The following MYNN variants were observed in gnomAD, a reference collection of about 807,000 sequenced individuals.
The protein encoded by MYNN is myoneurin.
Under a neutral mutation model 57.2 loss-of-function variants are expected in MYNN, and 22 were observed. The ratio of observed to expected loss-of-function variants is 0.38; its 90% CI spans 0.27 to 0.55. The LOEUF (loss-of-function observed/expected upper bound fraction) is 0.55, where lower values mean the gene tolerates loss of function less well. Among genes scored for constraint, MYNN ranks in the 20% least tolerant of loss-of-function variants. The pLI, the probability that MYNN is intolerant of heterozygous loss-of-function variation, is 0.71. For synonymous variants in MYNN, 241 were observed against 257.1 expected, an observed-to-expected ratio of 0.94 and a Z score of 0.60; for missense variants, 566 against 723.1, an observed-to-expected ratio of 0.78 and a Z score of 2.49.
At position 169,786,529 on chromosome 3, in the gene MYNN, T is replaced by C; in HGVS notation, c.1684T>C (p.Leu562=). The change falls in exon 8 of 8, where the codon TTA becomes CTA. Residue 562 remains leucine, a synonymous_variant. Transcript: ENST00000349841. ...TMDVKPSDMT[L]PLALPLGTED... ...GGATGTGAAGCCTTCTGATATGACT[T>C]TACCATTAGCTCTTCCACTTGGGAC... 6 of 1,613,754 alleles carry C rather than the reference T, an allele frequency of 3.7e-6. No homozygotes were observed. The highest frequency in any genetic ancestry group is 5.1e-6 in the Non-Finnish European group (6 of 1,179,686).
chr3:169,778,892 A>C lies in MYNN; in HGVS notation c.391A>C (p.Ser131Arg). Residue 131 changes from serine (S) to arginine (R), a missense_variant, in exon 3 of 8, where the codon AGT becomes CGT. Coordinates refer to ENST00000349841, the MANE Select transcript of MYNN (RefSeq NM_018657.5). ...IANPSSTEIS[S>R]ITGNIELNQQ... Reference sequence around the variant, plus strand: ...TAATCCTTCTTCTACAGAGATATCTAGTATTACTGGAAACATTGAATTGAA... The same window carrying C: ...TAATCCTTCTTCTACAGAGATATCTCGTATTACTGGAAACATTGAATTGAA... 4.3e-6 allele frequency: 7 copies of C among 1,613,982 alleles called. No individual in the cohort carries two copies. The highest frequency in any genetic ancestry group is 5.9e-6 in the Non-Finnish European group (7 of 1,179,880).
chr3:169,783,144 C>T (rs566694280), intron 5 of MYNN, among the ~76,000 whole-genome samples: 1 of 152,120 alleles, frequency 6.6e-6, no homozygotes, highest in East Asian at 1.9e-4. Flanking sequence ...TACTTTTATT[C>T]TCCTTTATTA....
Position 169,779,141 on chromosome 3 carries a change from G to C in MYNN, c.640G>C (p.Asp214His). ...LENASVELFL[D>H]ANKLPTPVVE... ...GAATGCATCTGTTGAATTATTCCTA[G>C]ATGCAAATAAACTGCCCACACCTGT... Residue 214 changes from aspartate to histidine, a missense_variant, in exon 3 of 8, where the codon GAT becomes CAT. Coordinates refer to ENST00000349841, the MANE Select transcript of MYNN (RefSeq NM_018657.5). The C allele has an allele frequency of 6.2e-7, 1 of 1,614,174 alleles. No homozygotes were observed. The highest frequency in any genetic ancestry group is 8.5e-7 in the Non-Finnish European group (1 of 1,180,010).
Position 169,787,974 on chromosome 3 carries a change from T to C in MYNN, c.*1296T>C, listed in dbSNP as rs567344228. The C allele has an allele frequency of 2.0e-5, 3 of 152,208 alleles. No individual in the cohort carries two copies. In the East Asian group the frequency reaches 5.8e-4, roughly 29 times the overall value. 9.4% of individuals were successfully genotyped at this position (152,208 alleles called of 1,614,324 possible). ...ATGGTGATATTCTTTTTCTTTTTTTTTCCCCCCACAAGGCTGTTGTTCAGT... is the reference window on the plus strand; with the variant it reads ...ATGGTGATATTCTTTTTCTTTTTTTCTCCCCCCACAAGGCTGTTGTTCAGT... On this transcript the variant is annotated 3_prime_UTR_variant, in exon 8 of 8. Coordinates refer to ENST00000349841, the MANE Select transcript of MYNN (RefSeq NM_018657.5).
chr3:169,780,398 G>A (rs1778477236), intron 3 of MYNN, 192 bp from the exon 4 acceptor site: 4 of 455,406 alleles, frequency 8.8e-6, no homozygotes, highest in East Asian at 3.6e-5. Context: ...TATTTATCTC[G>A]TGAATTCAGA....
Position 169,786,543 on chromosome 3 carries a change from T to G in MYNN, c.1698T>G (p.Leu566=). ...CTGATATGACTTTACCATTAGCTCTTCCACTTGGGACTGAGGACCATCACA... is the reference window on the plus strand; with the variant it reads ...CTGATATGACTTTACCATTAGCTCTGCCACTTGGGACTGAGGACCATCACA... ...KPSDMTLPLA[L]PLGTEDHHML... is the part of the protein sequence containing the mutation. Residue 566 remains leucine (L), a synonymous_variant, in exon 8 of 8, where the codon CTT becomes CTG. Coordinates refer to ENST00000349841, the MANE Select transcript of MYNN (RefSeq NM_018657.5). 6.2e-7 allele frequency: 1 copy of G among 1,613,774 alleles called. No individual in the cohort carries two copies. Among genetic ancestry groups the G allele is most frequent in the Non-Finnish European group, 8.5e-7 (1 of 1,179,694 alleles).
In MYNN at chr3:169,787,745, A is replaced by C. The variant is rs1347734037; in HGVS notation, c.*1067A>C. 2.0e-5 allele frequency: 3 copies of C among 152,256 alleles called. No homozygotes were observed. The highest frequency in any genetic ancestry group is 2.9e-5 in the Non-Finnish European group (2 of 67,954). 9.4% of individuals were successfully genotyped at this position (152,256 alleles called of 1,614,324 possible). On this transcript the variant is annotated 3_prime_UTR_variant, in exon 8 of 8. Transcript: ENST00000349841. ...TTGGGGTTTGTTAATTTTATAAATT[A>C]AACCACAACTTTTGGTGGTGGTTGT...
At chr3:169,780,552 C>G in intron 3 of MYNN, 38 bp from the exon 4 acceptor site, 1 of 1,489,724 alleles carries the variant, frequency 6.7e-7, no homozygotes, top group Non-Finnish European at 9.1e-7. Flanking sequence ...AACCAAAACA[C>G]TATTTTCTTC....
chr3:169,776,140 C>T (rs1220545522), intron 2 of MYNN, among the ~76,000 whole-genome samples: 4 of 152,208 alleles, frequency 2.6e-5, no homozygotes, highest in Non-Finnish European at 4.4e-5. Flanking sequence ...CATTTGAATA[C>T]ACGGTAGAGC....
intron 1 of MYNN, among the ~76,000 whole-genome samples, chr3:169,773,671 G>T (rs1339916876): frequency 1.3e-5 from 2 of 152,238 alleles, no homozygotes; most frequent in Non-Finnish European, 2.9e-5. Context: ...AGAAGCCGAG[G>T]AGGGACTGGC....
At position 169,786,695 on chromosome 3, in the gene MYNN, G is replaced by T; in HGVS notation, c.*17G>T. The T allele has an allele frequency of 6.2e-7, 1 of 1,604,844 alleles. No homozygotes were observed. Among genetic ancestry groups the T allele is most frequent in the South Asian group, 1.1e-5 (1 of 90,678 alleles). On this transcript the variant is annotated 3_prime_UTR_variant, in exon 8 of 8. Coordinates refer to ENST00000349841, the MANE Select transcript of MYNN (RefSeq NM_018657.5). ...TTATACTGACTTTGTAAGGAATATGGAATTGCTAAGATATCATTGGTAGCA... is the reference window on the plus strand; with the variant it reads ...TTATACTGACTTTGTAAGGAATATGTAATTGCTAAGATATCATTGGTAGCA...
Position 169,780,726 on chromosome 3 carries a change from T to C in MYNN, c.1197T>C (p.Ser399=). 6.2e-7 allele frequency: 1 copy of C among 1,600,806 alleles called. No individual in the cohort carries two copies. The highest frequency in any genetic ancestry group is 8.5e-7 in the Non-Finnish European group (1 of 1,176,618). Residue 399 remains serine (S), a synonymous_variant, in exon 4 of 8, where the codon TCT becomes TCC. Coordinates refer to ENST00000349841, the MANE Select transcript of MYNN (RefSeq NM_018657.5). ...TATGCAACTTACAGTTTGCAACTTCTAGCAATCTCAAGATTCATGCAAGGT... is the reference window on the plus strand; with the variant it reads ...TATGCAACTTACAGTTTGCAACTTCCAGCAATCTCAAGATTCATGCAAGGT... ...CDVCNLQFAT[S]SNLKIHARKH...
chr3:169,774,490 G>C lies in MYNN; in HGVS notation c.195G>C (p.Gln65His), dbSNP rs762994181. ...CTGAGAACAATGTCTTTCTTGATCA[G>C]AGTCAGGTGAAGGCTGATGGATTTC... ...STSENNVFLD[Q>H]SQVKADGFQK... Residue 65 changes from glutamine (Q) to histidine (H), a missense_variant, in exon 2 of 8, where the codon CAG becomes CAC. By Grantham distance (24) the Gln-to-His change is conservative. This residue lies in a region of MYNN where 261 missense variants were observed against 280.8 expected (regional missense o/e 0.93). Transcript: ENST00000349841. The C allele has an allele frequency of 6.8e-6, 11 of 1,614,092 alleles. No homozygotes were observed. The highest frequency in any genetic ancestry group is 9.3e-6 in the Non-Finnish European group (11 of 1,179,998).
rs552733256 is a variant in MYNN, at chr3:169,787,860, C to T, written c.*1182C>T. 2.0e-5 allele frequency: 3 copies of T among 152,144 alleles called. No homozygotes were observed. The highest frequency in any genetic ancestry group is 7.2e-5 in the African/African-American group (3 of 41,532). The allele number at this position is 152,144 out of a possible 1,614,324, so 9.4% of individuals were successfully genotyped here. A position where few individuals can be genotyped will look rare whatever the true frequency, so the allele number is the denominator to read the frequency against. The stretch of plus-strand genomic sequence containing the variant: ...CACCACTCATCCCCATGCCACTTTT[C>T]CCACATATTAATTTATTTCACTGCC... On this transcript the variant is annotated 3_prime_UTR_variant, in exon 8 of 8. Transcript: ENST00000349841.
Position 169,778,907 on chromosome 3 carries a change from A to C in MYNN, c.406A>C (p.Ile136Leu), listed in dbSNP as rs1325056875. The change falls in exon 3 of 8, where the codon ATT becomes CTT. Residue 136 changes from isoleucine to leucine, a missense_variant. Ile to Leu is a conservative substitution (Grantham distance 5, BLOSUM62 2). Transcript: ENST00000349841. ...STEISSITGN[I>L]ELNQQTCLLT... ...AGAGATATCTAGTATTACTGGAAAC[A>C]TTGAATTGAATCAACAGACTTGTCT... is the stretch of plus-strand genomic sequence containing the variant. 2 of 1,613,990 alleles carry C rather than the reference A, an allele frequency of 1.2e-6. No homozygotes were observed. Among genetic ancestry groups the C allele is most frequent in the African/African-American group, 2.7e-5 (2 of 74,940 alleles).
In MYNN at chr3:169,784,703, A is replaced by C. The variant is rs1778621023; in HGVS notation, c.1565A>C (p.His522Pro). The change falls in exon 7 of 8, where the codon CAT (histidine) becomes CCT (proline). Residue 522 changes from histidine to proline, a missense_variant. Physicochemically the swap from His to Pro is moderately conservative, Grantham distance 77. Coordinates refer to ENST00000349841, the MANE Select transcript of MYNN (RefSeq NM_018657.5). The part of the protein sequence containing the change: ...KNLKKHKTKV[H>P]SGADKTLDSS... The stretch of plus-strand genomic sequence containing the variant: ...TTAAAGAAGCACAAAACAAAAGTCC[A>C]TTCTGGTAAATGCTTGTGTTTTGTT... The C allele has an allele frequency of 6.4e-6, 10 of 1,559,238 alleles. No homozygotes were observed. Among genetic ancestry groups the C allele is most frequent in the Non-Finnish European group, 8.7e-6 (10 of 1,145,180 alleles).
rs1778714289 is a variant in MYNN at position 169,787,782 on chromosome 3, G to GTA, written c.*1104_*1105insTA. 1 of 151,966 alleles carries GTA rather than the reference G, an allele frequency of 6.6e-6. No individual in the cohort carries two copies. Among genetic ancestry groups the GTA allele is most frequent in the East Asian group, 1.9e-4 (1 of 5,204 alleles). The allele number at this position is 151,966 out of a possible 1,614,324, so 9.4% of individuals were successfully genotyped here. A position where few individuals can be genotyped will look rare whatever the true frequency, so the allele number is the denominator to read the frequency against. The stretch of plus-strand genomic sequence containing the variant: ...TTGGTGGTGGTTGTAGTTTCACAAT[G>GTA]GTCCTTTTCCTTCCAAATGAATGTA... On this transcript the variant is annotated 3_prime_UTR_variant, in exon 8 of 8. Coordinates refer to ENST00000349841, the MANE Select transcript of MYNN (RefSeq NM_018657.5).
In MYNN at chr3:169,789,189, CTTATGTTTAA is replaced by C. The variant is rs1397466675; in HGVS notation, c.*2514_*2523del. On this transcript the variant is annotated 3_prime_UTR_variant, in exon 8 of 8. Coordinates refer to ENST00000349841, the MANE Select transcript of MYNN (RefSeq NM_018657.5). ...TTTGCTGTTTTTAAATGGCATTTGT[CTTATGTTTAA>C]TTTCACAGGATGATTTTGATAGACA... 1 of 152,008 alleles carries C rather than the reference CTTATGTTTAA, an allele frequency of 6.6e-6. No homozygotes were observed. The highest frequency in any genetic ancestry group is 1.9e-4 in the East Asian group (1 of 5,190). The allele number at this position is 152,008 out of a possible 1,614,324, so 9.4% of individuals were successfully genotyped here. A position where few individuals can be genotyped will look rare whatever the true frequency, so the allele number is the denominator to read the frequency against.
chr3:169,785,975 GAA>G (rs1287483209), intron 7 of MYNN, among the ~76,000 whole-genome samples: 3 of 152,142 alleles, frequency 2.0e-5, no homozygotes, highest in Admixed American at 6.5e-5. Context: ...TTCAGTGAAT[GAA>G]AAGAGTATTT....
Sources: allele counts gnomAD v4.1 joint callset (sites outside exome capture counted in the v4.1 genomes callset), GRCh38; gene constraint gnomAD v4.1.1; regional missense constraint gnomAD v4.1.1; transcripts MANE v1.5; gene names NCBI Gene and HGNC (gene_info 2026-07-23, HGNC 2026-07-21).